JTB: variants seen among roughly 807,000 people sequenced by gnomAD.
JTB encodes protein JTB.
In JTB, 10 loss-of-function variants were observed where a neutral mutation model predicts 22.1. That is an observed-to-expected ratio of 0.45 (90% CI 0.28 to 0.77). The LOEUF (loss-of-function observed/expected upper bound fraction) is 0.77. JTB is among the 30% of genes least tolerant of loss of function. The pLI is 0.13. For missense variants in JTB, 137 were observed against 180.3 expected (o/e 0.76, Z 1.38); for synonymous variants, 83 against 66.8 (o/e 1.24, Z -1.18).
rs906815188 is a variant in JTB, at chr1:153,974,486, T to C, written c.*193A>G. 1 of 481,428 alleles carries C rather than the reference T, an allele frequency of 2.1e-6. No individual in the cohort carries two copies. The highest frequency in any genetic ancestry group is 4.4e-5 in the South Asian group (1 of 22,516). The allele number at this position is 481,428 out of a possible 1,614,324, so 29.8% of individuals were successfully genotyped here. A position where few individuals can be genotyped will look rare whatever the true frequency, so the allele number is the denominator to read the frequency against. On this transcript the variant is annotated 3_prime_UTR_variant, in exon 5 of 5. Coordinates refer to ENST00000271843, the MANE Select transcript of JTB (RefSeq NM_006694.4). ...TTCCCTCTCTGCCCCCATGACTTCC[T>C]GCTCCAAGTTACAGAAGGGAAGGAA...
intron 3 of JTB, 50 bp downstream of exon 3, chr1:153,976,643 T>C: frequency 7.0e-7 from 1 of 1,425,744 alleles, no homozygotes; most frequent in Non-Finnish European, 9.8e-7. Flanking sequence ...GTTGCTTAAG[T>C]GTTTGCTTAG....
chr1:153,975,139 T>G (rs1224343445), intron 4 of JTB, among the ~76,000 whole-genome samples: 1 of 152,234 alleles, frequency 6.6e-6, no homozygotes, highest in Admixed American at 6.5e-5. Context: ...TTATTATTTT[T>G]GAGATGGTGT....
At position 153,977,614 on chromosome 1, in the gene JTB, C is replaced by T. The variant is rs3182946; in HGVS notation, c.-362G>A. 2 of 1,023,220 alleles carry T rather than the reference C, an allele frequency of 2.0e-6. No homozygotes were observed. The highest frequency in any genetic ancestry group is 4.8e-4 in the Middle Eastern group (1 of 2,084). 63.4% of individuals were successfully genotyped at this position (1,023,220 alleles called of 1,614,324 possible). ...CTCGGGCGCGGGACCGAGCTCGGGG[C>T]CCGGTGTTCCCGGGGGCGTTCGGTC... On this transcript the variant is annotated 5_prime_UTR_variant, in exon 1 of 5. Transcript: ENST00000271843.
chr1:153,974,664 A>T lies in JTB; in HGVS notation c.*15T>A. ...ATAGGGTCTCTAAGACCCAGGATAC[A>T]AGGGTGGAATGTAGCTATATGGACT... On this transcript the variant is annotated 3_prime_UTR_variant, in exon 5 of 5. Transcript: ENST00000271843. The T allele has an allele frequency of 6.2e-7, 1 of 1,600,286 alleles. No homozygotes were observed. Among genetic ancestry groups the T allele is most frequent in the Non-Finnish European group, 8.6e-7 (1 of 1,168,214 alleles).
In JTB at chr1:153,977,369, G is replaced by A; in HGVS notation, c.-117C>T. The A allele has an allele frequency of 6.8e-7, 1 of 1,479,212 alleles. No individual in the cohort carries two copies. 91.6% of individuals were successfully genotyped at this position (1,479,212 alleles called of 1,614,324 possible). On this transcript the variant is annotated 5_prime_UTR_variant, in exon 1 of 5. Coordinates refer to ENST00000271843, the MANE Select transcript of JTB (RefSeq NM_006694.4). ...AGCCCTCCCAGAGGTTCCAGGTCAGGGCAGGGAAGGCCGGAGTTGCCTATT... is the reference window on the plus strand; with the variant it reads ...AGCCCTCCCAGAGGTTCCAGGTCAGAGCAGGGAAGGCCGGAGTTGCCTATT...
rs746990376 is a variant in JTB at position 153,974,781 on chromosome 1, G to A, written c.339C>T (p.Val113=). 2.5e-6 allele frequency: 4 copies of A among 1,612,628 alleles called. No homozygotes were observed. Among genetic ancestry groups the A allele is most frequent in the East Asian group, 2.2e-5 (1 of 44,850 alleles). The change falls in exon 5 of 5, where the codon GTC becomes GTT. Residue 113 remains valine (V), a synonymous_variant. Transcript: ENST00000271843. ...QRLFWKFEGA[V]VCVALIFACL... ...AAGCGAAGATCAGGGCCACACACAC[G>A]ACAGCCCCTTCGAACTTCCAAAATA...
chr1:153,974,810 G>A lies in JTB; in HGVS notation c.310C>T (p.Arg104Cys), dbSNP rs773964200. The change falls in exon 5 of 5, where the codon CGC becomes TGC. Residue 104 changes from arginine to cysteine, a missense_variant. By Grantham distance (180) the Arg-to-Cys change is radical. Transcript: ENST00000271843. ...KSCRSALMEQ[R>C]LFWKFEGAVV... is the part of the protein sequence containing the mutation. ...GCCCCTTCGAACTTCCAAAATAAGC[G>A]TTGTTCCATCAAAGCTGAGCGGCAG... The A allele has an allele frequency of 6.2e-6, 10 of 1,609,768 alleles. No homozygotes were observed. Among genetic ancestry groups the A allele is most frequent in the African/African-American group, 2.7e-5 (2 of 74,874 alleles).
At chr1:153,976,491 T>C (rs1247686251) in intron 3 of JTB, among the ~76,000 whole-genome samples, 1 of 152,110 alleles carries the variant, frequency 6.6e-6, no homozygotes, top group South Asian at 2.1e-4. Flanking sequence ...TAGTTATCAG[T>C]TGAATACTGC....
At position 153,974,368 on chromosome 1, in the gene JTB, C is replaced by G. The variant is rs1418069619; in HGVS notation, c.*311G>C. 7.2e-6 allele frequency: 3 copies of G among 414,180 alleles called. No individual in the cohort carries two copies. Among genetic ancestry groups the G allele is most frequent in the Non-Finnish European group, 1.3e-5 (3 of 231,590 alleles). 25.7% of individuals were successfully genotyped at this position (414,180 alleles called of 1,614,324 possible). A position where few individuals can be genotyped will look rare whatever the true frequency, so the allele number is the denominator to read the frequency against. ...AAACGTTTTAGCTGAAATTGTATCC[C>G]AGAAGTTTGAAATAAGTAGTAGAAG... On this transcript the variant is annotated 3_prime_UTR_variant, in exon 5 of 5. Transcript: ENST00000271843.
chr1:153,975,787 G>A (rs893221509), intron 4 of JTB, 39 bp downstream of exon 4: 3 of 1,505,700 alleles, frequency 2.0e-6, no homozygotes, highest in East Asian at 2.3e-5. Flanking sequence ...AGTCATAGGA[G>A]CAAAGGAGGT....
intron 2 of JTB, 35 bp downstream of exon 2, chr1:153,976,941 G>C: frequency 1.9e-6 from 3 of 1,614,022 alleles, no homozygotes; most frequent in Non-Finnish European, 2.5e-6. Flanking sequence ...AAAAACAAAC[G>C]ACGGGACGTG....
chr1:153,977,214 G>C lies in JTB; in HGVS notation c.39C>G (p.Gly13=). 2 of 1,614,174 alleles carry C rather than the reference G, an allele frequency of 1.2e-6. No homozygotes were observed. Among genetic ancestry groups the C allele is most frequent in the Non-Finnish European group, 1.7e-6 (2 of 1,180,026 alleles). ...AGAGRPGLPQ[G]RHLCWLLCAF... is the part of the protein sequence containing the mutation. ...CACAGAGCAACCAGCAGAGGTGGCG[G>C]CCCTGGGGGAGGCCAGGCCTCCCGG... The change falls in exon 1 of 5, where the codon GGC becomes GGG. Residue 13 remains glycine, a synonymous_variant. Coordinates refer to ENST00000271843, the MANE Select transcript of JTB (RefSeq NM_006694.4).
rs1473820233 is a variant in JTB at position 153,977,351 on chromosome 1, C to T, written c.-99G>A. ...AGGCGGCACTTACTCTGCAGCCCTC[C>T]CAGAGGTTCCAGGTCAGGGCAGGGA... On this transcript the variant is annotated 5_prime_UTR_variant, in exon 1 of 5. Coordinates refer to ENST00000271843, the MANE Select transcript of JTB (RefSeq NM_006694.4). The T allele has an allele frequency of 6.5e-7, 1 of 1,530,582 alleles. No homozygotes were observed. Among genetic ancestry groups the T allele is most frequent in the African/African-American group, 1.4e-5 (1 of 72,900 alleles). The allele number at this position is 1,530,582 out of a possible 1,614,324, so 94.8% of individuals were successfully genotyped here. A position where few individuals can be genotyped will look rare whatever the true frequency, so the allele number is the denominator to read the frequency against.
chr1:153,977,258 G>C lies in JTB; in HGVS notation c.-6C>G. 6.2e-7 allele frequency: 1 copy of C among 1,613,842 alleles called. No homozygotes were observed. Among genetic ancestry groups the C allele is most frequent in the Non-Finnish European group, 8.5e-7 (1 of 1,179,958 alleles). On this transcript the variant is annotated 5_prime_UTR_variant, in exon 1 of 5. Transcript: ENST00000271843. ...CTCCCGGCACCCGCAAGCATGGAGC[G>C]CCAAGTGTCGCACCTGTCGGAACAG... is the stretch of plus-strand genomic sequence containing the variant.
At chr1:153,976,620 T>G in intron 3 of JTB, 73 bp downstream of exon 3, 1 of 1,239,370 alleles carries the variant, frequency 8.1e-7, no homozygotes, top group Non-Finnish European at 1.2e-6. Flanking sequence ...TAATAAGACT[T>G]GGATGTTAAG....
intron 3 of JTB, 60 bp downstream of exon 3, chr1:153,976,633 G>T: frequency 1.5e-6 from 2 of 1,356,696 alleles, no homozygotes; most frequent in Non-Finnish European, 2.1e-6. Flanking sequence ...ATGTTAAGAT[G>T]TTGCTTAAGT....
At chr1:153,975,697 G>A (rs1323788769) in intron 4 of JTB, 129 bp downstream of exon 4, 1 of 736,138 alleles carries the variant, frequency 1.4e-6, no homozygotes, top group Non-Finnish European at 2.3e-6. Flanking sequence ...TGGGATTATA[G>A]GTGTGAGCCC....
At chr1:153,976,853 C>A (rs1648808896) in intron 2 of JTB, 78 bp from the exon 3 acceptor site, 1 of 1,596,522 alleles carries the variant, frequency 6.3e-7, no homozygotes, top group African/African-American at 1.3e-5. Flanking sequence ...AACTTCCCGG[C>A]ACAGCGCTTG....
At position 153,974,579 on chromosome 1, in the gene JTB, AC is replaced by A. The variant is rs1648712119; in HGVS notation, c.*99del. The A allele has an allele frequency of 2.0e-6, 2 of 984,984 alleles. No individual in the cohort carries two copies. The highest frequency in any genetic ancestry group is 4.4e-5 in the Admixed American group (2 of 45,108). The allele number at this position is 984,984 out of a possible 1,614,324, so 61.0% of individuals were successfully genotyped here. ...AAGAAGATGGGGAAAAGGGGATTCC[AC>A]CACAAGGCTCCAAAGAACCAAGAGT... On this transcript the variant is annotated 3_prime_UTR_variant, in exon 5 of 5. Transcript: ENST00000271843.
Sources: allele counts gnomAD v4.1 joint callset (sites outside exome capture counted in the v4.1 genomes callset), GRCh38; gene constraint gnomAD v4.1.1; transcripts MANE v1.5; gene names NCBI Gene and HGNC (gene_info 2026-07-23, HGNC 2026-07-21).